The following RPL31 variants were observed in gnomAD, a reference collection of about 807,000 sequenced individuals.
RPL31 encodes the protein ribosomal protein L31.
For missense variants in RPL31, 95 were observed against 164.0 expected (o/e 0.58, Z 2.30); for synonymous variants, 51 against 55.0 (o/e 0.93, Z 0.32).
At chr2:101,012,490 A>G (rs1292887172) in intron 4 of RPL31, among the ~76,000 whole-genome samples, 1 of 152,224 alleles carries the variant, frequency 6.6e-6, no homozygotes, top group Non-Finnish European at 1.5e-5. Flanking sequence ...AGGCAAATCT[A>G]CAGAAACAGA....
intron 2 of RPL31, 35 bp downstream of exon 2, chr2:101,002,843 T>A (rs1315522474): frequency 2.7e-6 from 4 of 1,503,988 alleles, no homozygotes; most frequent in South Asian, 2.3e-5. Flanking sequence ...GGTCTCGAAC[T>A]CACGCGTCTG....
At chr2:101,013,889 C>A (rs1189134700) in intron 4 of RPL31, among the ~76,000 whole-genome samples, 1 of 152,194 alleles carries the variant, frequency 6.6e-6, no homozygotes, top group Non-Finnish European at 1.5e-5. Flanking sequence ...CAGTATAGGG[C>A]CTTCCTCTCA....
At chr2:101,008,386 G>A (rs1457351827), downstream of RPL31, 5 of 846,944 alleles carry the variant, frequency 5.9e-6, no homozygotes, top group South Asian at 4.2e-5. Flanking sequence ...TGAAGACACA[G>A]AATATAAGAA....
intron 2 of RPL31, 40 bp downstream of exon 2, chr2:101,002,848 C>A: frequency 1.4e-6 from 2 of 1,461,560 alleles, no homozygotes; most frequent in Non-Finnish European, 1.9e-6. Flanking sequence ...CGAACTCACG[C>A]GTCTGGTTGT....
downstream of RPL31, chr2:101,011,098 G>T: frequency 1.4e-6 from 2 of 1,419,676 alleles, no homozygotes; most frequent in Non-Finnish European, 9.8e-7. Flanking sequence ...AAACTATGTA[G>T]GAGAGAGGAG....
At position 101,006,532 on chromosome 2, in the gene RPL31, C is replaced by T. The variant is rs1678746067; in HGVS notation, c.*151C>T. The stretch of plus-strand genomic sequence containing the variant: ...TTGATGGCCTGTGCTGCCTTCTCCC[C>T]ATCCCCTGGGGTTTTAAAGTGATTT... On this transcript the variant is annotated 3_prime_UTR_variant, in exon 5 of 5. Coordinates refer to ENST00000264258, the MANE Select transcript of RPL31 (RefSeq NM_000993.5). The T allele has an allele frequency of 2.8e-6, 2 of 715,646 alleles. No homozygotes were observed. The highest frequency in any genetic ancestry group is 7.1e-5 in the Admixed American group (2 of 28,288). The allele number at this position is 715,646 out of a possible 1,614,324, so 44.3% of individuals were successfully genotyped here.
downstream of RPL31, among the ~76,000 whole-genome samples, chr2:101,010,028 A>G (rs934444370): frequency 2.6e-5 from 4 of 151,452 alleles, no homozygotes; most frequent in Admixed American, 6.6e-5. Context: ...GGGTTTCACC[A>G]TGTTAGCCAG....
chr2:101,019,179 A>G (rs915197907), exon 5 of RPL31: 3 of 1,171,760 alleles, frequency 2.6e-6, no homozygotes, highest in Non-Finnish European at 3.6e-6. Flanking sequence ...GGCCTGTTCT[A>G]CACGGCCGGG....
chr2:101,008,360 A>G (rs1678906122), downstream of RPL31: 25 of 1,049,400 alleles, frequency 2.4e-5, no homozygotes, highest in South Asian at 4.7e-4. Context: ...GCTTTGAGAA[A>G]ACGACACAGT....
intron 4 of RPL31, among the ~76,000 whole-genome samples, chr2:101,016,958 G>A (rs1236381178): frequency 6.6e-6 from 1 of 151,948 alleles, no homozygotes; most frequent in African/African-American, 2.4e-5. Flanking sequence ...ATAGCATTAG[G>A]AGATATACCT....
Position 101,006,584 on chromosome 2 carries a change from C to T in RPL31, c.*203C>T. 1 of 526,804 alleles carries T rather than the reference C, an allele frequency of 1.9e-6. No individual in the cohort carries two copies. Among genetic ancestry groups the T allele is most frequent in the Non-Finnish European group, 3.3e-6 (1 of 304,294 alleles). 32.6% of individuals were successfully genotyped at this position (526,804 alleles called of 1,614,324 possible). Reference sequence around the variant, plus strand: ...AAACTGCAACCTAGTTTTAGAACCACTGTTCTGGGTAGTTGGGATACTGAA... The same window carrying T: ...AAACTGCAACCTAGTTTTAGAACCATTGTTCTGGGTAGTTGGGATACTGAA... On this transcript the variant is annotated 3_prime_UTR_variant, in exon 5 of 5. Transcript: ENST00000264258.
intron 2 of RPL31, among the ~76,000 whole-genome samples, chr2:101,003,878 C>T (rs1678628025): frequency 1.3e-5 from 2 of 152,160 alleles, no homozygotes; most frequent in South Asian, 4.1e-4. Context: ...AAGTGTTATG[C>T]TAATTGCTGG....
At chr2:101,011,023 T>C (rs1414169826), downstream of RPL31, 3 of 1,611,636 alleles carry the variant, frequency 1.9e-6, no homozygotes, top group African/African-American at 4.0e-5. Flanking sequence ...ATCAACTGCA[T>C]CACCTTGAAA....
chr2:101,013,182 T>C (rs1679361137), intron 4 of RPL31, among the ~76,000 whole-genome samples: 1 of 152,120 alleles, frequency 6.6e-6, no homozygotes, highest in South Asian at 2.1e-4. Flanking sequence ...CAAACAACTC[T>C]CAGAGCAGAG....
chr2:101,007,682 C>T (rs1396853666), downstream of RPL31: 1 of 862,116 alleles, frequency 1.2e-6, no homozygotes, highest in Non-Finnish European at 1.8e-6. Context: ...GTTCCCCTGG[C>T]CACAGTTTGT....
At chr2:101,012,695 A>G (rs1275070468) in intron 4 of RPL31, among the ~76,000 whole-genome samples, 2 of 152,184 alleles carry the variant, frequency 1.3e-5, no homozygotes, top group Non-Finnish European at 2.9e-5. Context: ...AATATATCTC[A>G]ATAAAGCTGC....
At position 101,007,150 on chromosome 2, in the gene RPL31, A is replaced by ACAT. The variant is rs1334147959; in HGVS notation, c.*771_*773dup. The stretch of plus-strand genomic sequence containing the variant: ...CAAAAACCATGGATGGGCAGCAGCA[A>ACAT]CATCTCCAGCTTACCCATTCACTGC... On this transcript the variant is annotated 3_prime_UTR_variant, in exon 5 of 5. Coordinates refer to ENST00000264258, the MANE Select transcript of RPL31 (RefSeq NM_000993.5). 2 of 152,336 alleles carry ACAT rather than the reference A, an allele frequency of 1.3e-5. No individual in the cohort carries two copies. The highest frequency in any genetic ancestry group is 2.4e-5 in the African/African-American group (1 of 41,468). The allele number at this position is 152,336 out of a possible 1,614,324, so 9.4% of individuals were successfully genotyped here. A position where few individuals can be genotyped will look rare whatever the true frequency, so the allele number is the denominator to read the frequency against.
intron 4 of RPL31, among the ~76,000 whole-genome samples, chr2:101,017,111 T>A (rs890102931): frequency 2.6e-5 from 4 of 151,270 alleles, no homozygotes; most frequent in South Asian, 4.2e-4. Context: ...CACATTAGCC[T>A]AGGCCTACAC....
chr2:101,002,899 C>T, intron 2 of RPL31, 91 bp downstream of exon 2: 3 of 891,548 alleles, frequency 3.4e-6, no homozygotes, highest in South Asian at 1.4e-5. Context: ...CCAATCTTTT[C>T]CTCTTGTGGC....
Sources: gnomAD v4.1 joint callset for allele counts (sites outside exome capture counted in the v4.1 genomes callset) on GRCh38, gnomAD v4.1.1 for gene constraint, MANE v1.5 for transcripts, NCBI Gene and HGNC (gene_info 2026-07-23, HGNC 2026-07-21) for gene names.